The following ANKRD13A variants were observed in gnomAD, a reference collection of about 807,000 sequenced individuals.
ANKRD13A encodes the protein ankyrin repeat domain 13A, also known as ankyrin repeat domain-containing protein 13A.
In ANKRD13A, 48 loss-of-function variants were observed where a neutral mutation model predicts 81.3. The ratio of observed to expected loss-of-function variants is 0.59; its 90% CI spans 0.47 to 0.75. The LOEUF (loss-of-function observed/expected upper bound fraction) is 0.75, where lower values mean the gene tolerates loss of function less well. Among genes scored for constraint, ANKRD13A ranks in the 30% least tolerant of loss-of-function variants. The probability of loss-of-function intolerance (pLI) is 0.00; values close to 1 mark genes in which losing one functional copy is unlikely to be tolerated. For missense variants in ANKRD13A, 612 were observed against 734.0 expected (o/e 0.83, Z 1.92); for synonymous variants, 230 against 270.1 (o/e 0.85, Z 1.45).
chr12:110,028,404 C>A, intron 9 of ANKRD13A, 108 bp from the exon 10 acceptor site: 4 of 1,348,544 alleles, frequency 3.0e-6, no homozygotes, highest in Non-Finnish European at 4.1e-6. Context: ...AATAGAACTT[C>A]CCGGTCTTTA....
chr12:110,036,143 T>C lies in ANKRD13A; in HGVS notation c.1510-118T>C, dbSNP rs1311852320. On this transcript the variant is annotated intron_variant, in intron 13 of 14. Coordinates refer to ENST00000261739, the MANE Select transcript of ANKRD13A (RefSeq NM_033121.2). The surrounding 1 kb of genome is among the most constrained non-coding windows in gnomAD (Gnocchi z 4.6). ...TCCCTGTTAGCTTTTCACACAGCAC[T>C]ATTGATAATGGTCATGGAAAGACTT... 3.2e-6 allele frequency: 3 copies of C among 948,298 alleles called. No individual in the cohort carries two copies. The highest frequency in any genetic ancestry group is 5.1e-6 in the Non-Finnish European group (3 of 585,484). The allele number at this position is 948,298 out of a possible 1,614,324, so 58.7% of individuals were successfully genotyped here. A position where few individuals can be genotyped will look rare whatever the true frequency, so the allele number is the denominator to read the frequency against.
In ANKRD13A at chr12:110,012,113, A is replaced by G. The variant is rs1248711771; in HGVS notation, c.205A>G (p.Lys69Glu). The change falls in exon 2 of 15, where the codon AAA becomes GAA. Residue 69 changes from lysine to glutamate, a missense_variant. Coordinates refer to ENST00000261739, the MANE Select transcript of ANKRD13A (RefSeq NM_033121.2). Reference protein sequence around the residue: ...VLLRHKADVTKENRQGWTVLH... With the variant: ...VLLRHKADVTEENRQGWTVLH... ...ACTCCGACATAAAGCAGATGTGACA[A>G]AAGAAAATCGCCAGGGATGGACAGG... 8 of 1,611,912 alleles carry G rather than the reference A, an allele frequency of 5.0e-6. No homozygotes were observed. The highest frequency in any genetic ancestry group is 1.3e-5 in the African/African-American group (1 of 74,932).
At chr12:110,034,422 G>C (rs1891900681) in intron 13 of ANKRD13A, among the ~76,000 whole-genome samples, 1 of 152,094 alleles carries the variant, frequency 6.6e-6, no homozygotes, top group Non-Finnish European at 1.5e-5. Context: ...GGACAGGACA[G>C]ACCTGTGTAA....
Position 110,038,901 on chromosome 12 carries a change from A to G in ANKRD13A, c.*1347A>G, listed in dbSNP as rs1892212826. The G allele has an allele frequency of 6.6e-6, 1 of 151,870 alleles. No homozygotes were observed. Among genetic ancestry groups the G allele is most frequent in the Non-Finnish European group, 1.5e-5 (1 of 67,992 alleles). The allele number at this position is 151,870 out of a possible 1,614,324, so 9.4% of individuals were successfully genotyped here. On this transcript the variant is annotated 3_prime_UTR_variant, in exon 15 of 15. Coordinates refer to ENST00000261739, the MANE Select transcript of ANKRD13A (RefSeq NM_033121.2). ...GCACTGAAATAACCTGGTAAACAAC[A>G]CCCTCCTCCATTTTGCGTCTATTTC...
rs758660209 is a variant in ANKRD13A at position 110,037,500 on chromosome 12, G to C, written c.1719G>C (p.Gln573His). 1 of 1,614,146 alleles carries C rather than the reference G, an allele frequency of 6.2e-7. No homozygotes were observed. The highest frequency in any genetic ancestry group is 8.5e-7 in the Non-Finnish European group (1 of 1,180,034). ...TGGAGGAATGGGAGCTCCGGCTCCA[G>C]GAGGAAGAGGCTGAGCTCCAGCAAG... ...KELEEWELRL[Q>H]EEEAELQQVL... Residue 573 changes from glutamine to histidine, a missense_variant, in exon 15 of 15, where the codon CAG becomes CAC. By Grantham distance (24) the Gln-to-His change is conservative. Coordinates refer to ENST00000261739, the MANE Select transcript of ANKRD13A (RefSeq NM_033121.2).
At chr12:110,023,072 CTAACCTGCTGCTG>C (rs1891155508) in intron 6 of ANKRD13A, among the ~76,000 whole-genome samples, 1 of 152,230 alleles carries the variant, frequency 6.6e-6, no homozygotes, top group Non-Finnish European at 1.5e-5. Flanking sequence ...TGTAACGTGG[CTAACCTGCTGCTG>C]TTCCCTGAGC....
chr12:110,029,564 C>G lies in ANKRD13A; in HGVS notation c.1163C>G (p.Thr388Arg). 2 of 1,614,052 alleles carry G rather than the reference C, an allele frequency of 1.2e-6. No homozygotes were observed. Among genetic ancestry groups the G allele is most frequent in the Non-Finnish European group, 1.7e-6 (2 of 1,179,960 alleles). Reference sequence around the variant, plus strand: ...CCCATCATTGACCTAATGGCTCGAACGAGTGCTCATTTTGCAAGACTGAGA... The same window carrying G: ...CCCATCATTGACCTAATGGCTCGAAGGAGTGCTCATTTTGCAAGACTGAGA... ...VIPIIDLMAR[T>R]SAHFARLRDF... Residue 388 changes from threonine to arginine, a missense_variant, in exon 11 of 15, where the codon ACG (threonine) becomes AGG (arginine). Thr to Arg is a moderately conservative substitution (Grantham distance 71, BLOSUM62 -1). Transcript: ENST00000261739.
rs560224302 is a variant in ANKRD13A, at chr12:110,010,118, C to T, written c.97-1887C>T. On this transcript the variant is annotated intron_variant, in intron 1 of 14. Transcript: ENST00000261739. ...CTGACCTCAGGTGATCCACCCACCT[C>T]GGCCTCCCGAAGTGCTGGGATTACA... is the stretch of plus-strand genomic sequence containing the variant. Among the ~76,000 whole-genome samples, 8 of 152,328 alleles carry T rather than the reference C, an allele frequency of 5.3e-5. No individual in the cohort carries two copies. In the East Asian group the frequency reaches 7.7e-4, roughly 15 times the overall value.
chr12:110,002,018 G>A (rs1890007695), intron 1 of ANKRD13A, among the ~76,000 whole-genome samples: 1 of 144,720 alleles, frequency 6.9e-6, no homozygotes, highest in East Asian at 2.2e-4. Flanking sequence ...GTACTCAAGT[G>A]ATCTGCCCGC....
intron 12 of ANKRD13A, among the ~76,000 whole-genome samples, chr12:110,031,161 A>C (rs1488708433): frequency 6.6e-6 from 1 of 152,154 alleles, no homozygotes; most frequent in Non-Finnish European, 1.5e-5. Context: ...CTGAAGCTGG[A>C]ATATCTGAGG....
In ANKRD13A at chr12:110,037,497, C is replaced by G. The variant is rs746205538; in HGVS notation, c.1716C>G (p.Leu572=). The change falls in exon 15 of 15, where the codon CTC becomes CTG. Residue 572 remains leucine, a synonymous_variant. Transcript: ENST00000261739. ...AKELEEWELR[L]QEEEAELQQV... The stretch of plus-strand genomic sequence containing the variant: ...AGCTGGAGGAATGGGAGCTCCGGCT[C>G]CAGGAGGAAGAGGCTGAGCTCCAGC... 6.2e-7 allele frequency: 1 copy of G among 1,614,166 alleles called. No homozygotes were observed. The highest frequency in any genetic ancestry group is 1.1e-5 in the South Asian group (1 of 91,088).
At chr12:110,008,410 G>A (rs540055588) in intron 1 of ANKRD13A, among the ~76,000 whole-genome samples, 8 of 152,194 alleles carry the variant, frequency 5.3e-5, no homozygotes, top group South Asian at 2.1e-4. Context: ...CCAGTATATC[G>A]TGGAGGATTT....
chr12:110,028,455 C>G, intron 9 of ANKRD13A, 57 bp from the exon 10 acceptor site: 1 of 1,602,846 alleles, frequency 6.2e-7, no homozygotes, highest in Middle Eastern at 1.7e-4. Flanking sequence ...GTGCCACAGG[C>G]CTTCACTTGT....
intron 6 of ANKRD13A, among the ~76,000 whole-genome samples, chr12:110,022,806 T>C (rs776598093): frequency 9.9e-5 from 15 of 152,228 alleles, no homozygotes; most frequent in African/African-American, 1.4e-4. Context: ...GTGACTGTTA[T>C]CTTGTTTCTG....
Position 110,033,857 on chromosome 12 carries a change from A to T in ANKRD13A, c.1409A>T (p.Tyr470Phe). ...QSVFEIPESY[Y>F]VQDNGRNVHL... ...GTGTTTGAAATTCCCGAATCTTACTATGTTCAAGACAATGGCAGAAATGTG... is the reference window on the plus strand; with the variant it reads ...GTGTTTGAAATTCCCGAATCTTACTTTGTTCAAGACAATGGCAGAAATGTG... The change falls in exon 13 of 15, where the codon TAT (tyrosine) becomes TTT (phenylalanine). Residue 470 changes from tyrosine (Y) to phenylalanine (F), a missense_variant. Transcript: ENST00000261739. 6.2e-7 allele frequency: 1 copy of T among 1,612,486 alleles called. No individual in the cohort carries two copies. Among genetic ancestry groups the T allele is most frequent in the Non-Finnish European group, 8.5e-7 (1 of 1,179,346 alleles).
chr12:109,999,585 G>C lies in ANKRD13A; in HGVS notation c.-104G>C, dbSNP rs1170461876. The C allele has an allele frequency of 1.1e-5, 11 of 959,176 alleles. No individual in the cohort carries two copies. Among genetic ancestry groups the C allele is most frequent in the Non-Finnish European group, 1.6e-5 (11 of 690,948 alleles). 59.4% of individuals were successfully genotyped at this position (959,176 alleles called of 1,614,324 possible). A position where few individuals can be genotyped will look rare whatever the true frequency, so the allele number is the denominator to read the frequency against. On this transcript the variant is annotated 5_prime_UTR_variant, in exon 1 of 15. Coordinates refer to ENST00000261739, the MANE Select transcript of ANKRD13A (RefSeq NM_033121.2). This position sits in a 1 kb window ranked among gnomAD's most constrained non-coding sequence, Gnocchi z 4.3. Reference sequence around the variant, plus strand: ...CGGCCGGCAGCGTAACACGCCCTACGCTCGCTTGCTCGCCGGCCTCAGGGC... The same window carrying C: ...CGGCCGGCAGCGTAACACGCCCTACCCTCGCTTGCTCGCCGGCCTCAGGGC...
intron 8 of ANKRD13A, among the ~76,000 whole-genome samples, chr12:110,026,144 G>A (rs1025488000): frequency 6.6e-6 from 1 of 151,794 alleles, no homozygotes; most frequent in African/African-American, 2.4e-5. Context: ...TGTATTTTCA[G>A]TAGAGACGGG....
intron 7 of ANKRD13A, 32 bp from the exon 8 acceptor site, chr12:110,025,710 T>C (rs780184483): frequency 6.5e-7 from 1 of 1,548,728 alleles, no homozygotes; most frequent in Admixed American, 1.8e-5. Context: ...TGATTCCCTG[T>C]GTCACTGTTT....
chr12:110,006,066 C>A (rs1376904385), intron 1 of ANKRD13A, among the ~76,000 whole-genome samples: 1 of 152,192 alleles, frequency 6.6e-6, no homozygotes, highest in African/African-American at 2.4e-5. Flanking sequence ...ATCAGCCCAC[C>A]TTGGCCTCCC....
Sources: gnomAD v4.1 joint callset for allele counts (sites outside exome capture counted in the v4.1 genomes callset) on GRCh38, gnomAD v4.1.1 for gene constraint, Gnocchi (gnomAD v3.1) non-coding constraint, MANE v1.5 for transcripts, NCBI Gene and HGNC (gene_info 2026-07-23, HGNC 2026-07-21) for gene names.